PTPRK: variants seen among roughly 807,000 people sequenced by gnomAD.
PTPRK encodes receptor-type tyrosine-protein phosphatase kappa.
A neutral mutation model predicts 178.0 loss-of-function variants in PTPRK; 75 were observed. That is an observed-to-expected ratio of 0.42 (90% CI 0.35 to 0.51). PTPRK has a LOEUF of 0.51. Ranked by LOEUF, PTPRK falls within the 20% of genes least tolerant of loss-of-function variation. PTPRK has a pLI of 0.02. For missense variants in PTPRK, 1,441 were observed against 1,797.8 expected (o/e 0.80, Z 3.59); for synonymous variants, 637 against 620.6 (o/e 1.03, Z -0.39).
At chr6:128,199,668 GCCAAC>G (rs2128256762) in intron 6 of PTPRK, among the ~76,000 whole-genome samples, 2 of 152,044 alleles carry the variant, frequency 1.3e-5, no homozygotes, top group African/African-American at 4.8e-5. Flanking sequence ...TCCCACAAGG[GCCAAC>G]CCCCGCAAGG....
At chr6:128,480,408 T>C (rs887853157) in intron 1 of PTPRK, among the ~76,000 whole-genome samples, 1 of 142,584 alleles carries the variant, frequency 7.0e-6, no homozygotes, top group Non-Finnish European at 1.5e-5. Flanking sequence ...ATAAAGTTAT[T>C]TGTGACTCTT....
intron 6 of PTPRK, among the ~76,000 whole-genome samples, chr6:128,214,752 T>C (rs748994124): frequency 1.3e-5 from 2 of 152,050 alleles, no homozygotes; most frequent in African/African-American, 2.4e-5. Flanking sequence ...GATCAACAAA[T>C]CCTGAAGCCT....
At chr6:128,282,032 G>A (rs764725701) in intron 3 of PTPRK, among the ~76,000 whole-genome samples, 4 of 152,122 alleles carry the variant, frequency 2.6e-5, no homozygotes, top group Non-Finnish European at 5.9e-5. Flanking sequence ...GCAAAGAACT[G>A]ATTCTCTAGC....
intron 1 of PTPRK, among the ~76,000 whole-genome samples, chr6:128,435,701 G>A (rs940253750): frequency 9.9e-5 from 15 of 152,256 alleles, no homozygotes; most frequent in South Asian, 6.2e-4. Context: ...CTTAAGGGAC[G>A]AATCACAAAG....
intron 9 of PTPRK, 79 bp from the exon 10 acceptor site, chr6:128,082,717 G>T: frequency 9.6e-7 from 1 of 1,042,386 alleles, no homozygotes; most frequent in Non-Finnish European, 1.4e-6. Context: ...AAATAAGGTA[G>T]TATGCAAGGG....
At chr6:128,135,349 T>C (rs1794873809) in intron 7 of PTPRK, among the ~76,000 whole-genome samples, 1 of 150,966 alleles carries the variant, frequency 6.6e-6, no homozygotes, top group Admixed American at 6.6e-5. Flanking sequence ...CCAAGAGCAG[T>C]GGTGCTCTTC....
At chr6:128,282,821 T>C (rs1401545947) in intron 3 of PTPRK, among the ~76,000 whole-genome samples, 2 of 152,112 alleles carry the variant, frequency 1.3e-5, no homozygotes, top group Non-Finnish European at 2.9e-5. Flanking sequence ...AAAAACAGTG[T>C]ACAAACATCA....
At chr6:128,423,015 A>G (rs1843679920) in intron 1 of PTPRK, among the ~76,000 whole-genome samples, 1 of 152,240 alleles carries the variant, frequency 6.6e-6, no homozygotes, top group African/African-American at 2.4e-5. Context: ...TAAAAAGAAG[A>G]AACTATTTGT....
At chr6:128,178,078 T>C (rs1276675514) in intron 7 of PTPRK, among the ~76,000 whole-genome samples, 1 of 151,900 alleles carries the variant, frequency 6.6e-6, no homozygotes, top group African/African-American at 2.4e-5. Flanking sequence ...TAAGGAATTA[T>C]GGATAAGGCC....
At chr6:128,228,309 C>A (rs997430208) in intron 5 of PTPRK, among the ~76,000 whole-genome samples, 3 of 151,808 alleles carry the variant, frequency 2.0e-5, no homozygotes, top group Non-Finnish European at 4.4e-5. Flanking sequence ...AAACAGAAGT[C>A]TCTACAGGAT....
At chr6:128,017,294 A>G (rs1483087834) in intron 13 of PTPRK, among the ~76,000 whole-genome samples, 1 of 151,986 alleles carries the variant, frequency 6.6e-6, no homozygotes, top group Non-Finnish European at 1.5e-5. Context: ...GAGATTTTGT[A>G]CAAGGCTATT....
intron 1 of PTPRK, among the ~76,000 whole-genome samples, chr6:128,510,090 G>A (rs1585023679): frequency 6.6e-6 from 1 of 152,308 alleles, no homozygotes; most frequent in East Asian, 1.9e-4. Flanking sequence ...ATAGACAAAA[G>A]TGTACGAAAA....
intron 21 of PTPRK, among the ~76,000 whole-genome samples, chr6:127,987,427 A>G (rs1776108534): frequency 6.6e-6 from 1 of 152,084 alleles, no homozygotes; most frequent in Non-Finnish European, 1.5e-5. Flanking sequence ...GTTTTTATTA[A>G]ATCAGGAACT....
At chr6:128,245,114 A>T (rs1815214016) in intron 3 of PTPRK, among the ~76,000 whole-genome samples, 1 of 152,162 alleles carries the variant, frequency 6.6e-6, no homozygotes. Flanking sequence ...TCCTCATTAC[A>T]ATCACACGAG....
intron 6 of PTPRK, among the ~76,000 whole-genome samples, chr6:128,205,777 CAAA>C (rs57003128): frequency 1.3e-4 from 2 of 15,226 alleles, no homozygotes; most frequent in East Asian, 3.6e-3. Flanking sequence ...CATCACAGAC[CAAA>C]AAAAAAAAAA....
chr6:128,371,163 A>T (rs902180894), intron 2 of PTPRK, among the ~76,000 whole-genome samples: 1 of 152,134 alleles, frequency 6.6e-6, no homozygotes, highest in Non-Finnish European at 1.5e-5. Flanking sequence ...AACTCAAAAA[A>T]CACTTTCTTT....
At position 127,990,885 on chromosome 6, in the gene PTPRK, C is replaced by T; in HGVS notation, c.2980G>A (p.Val994Ile). The T allele has an allele frequency of 3.8e-6, 6 of 1,571,738 alleles. No individual in the cohort carries two copies. The highest frequency in any genetic ancestry group is 5.3e-6 in the Non-Finnish European group (6 of 1,142,382). Residue 994 changes from valine (V) to isoleucine (I), a missense_variant and splice_region_variant, in exon 21 of 30, where the codon GTT (valine) becomes ATT (isoleucine). Transcript: ENST00000368226. ...TCAGGCCAATATTTATAGCATTTAA[C>T]CTAAGTGACAAAAAGAATATATAGA... ...MVTNLVEVGR[V>I]KCYKYWPDDT...
chr6:127,975,965 C>T (rs952771273), intron 27 of PTPRK, among the ~76,000 whole-genome samples: 19 of 152,062 alleles, frequency 1.2e-4, no homozygotes, highest in African/African-American at 3.9e-4. Flanking sequence ...GCACTGTGCC[C>T]GGGCTTTATT....
intron 7 of PTPRK, among the ~76,000 whole-genome samples, chr6:128,144,145 A>C (rs953740254): frequency 1.3e-5 from 2 of 152,018 alleles, no homozygotes; most frequent in Admixed American, 6.6e-5. Context: ...TAACTCACCC[A>C]GGTGGCCCTC....
Sources: allele counts gnomAD v4.1 joint callset (sites outside exome capture counted in the v4.1 genomes callset), GRCh38; gene constraint gnomAD v4.1.1; transcripts MANE v1.5; gene names NCBI Gene and HGNC (gene_info 2026-07-23, HGNC 2026-07-21).